Variants in SMOC1 observed in about 807,000 individuals in gnomAD.
SMOC1 encodes SPARC related modular calcium binding 1.
In SMOC1, 22 loss-of-function variants were observed where a neutral mutation model predicts 56.3. The ratio of observed to expected loss-of-function variants is 0.39; its 90% confidence interval spans 0.28 to 0.56. SMOC1 has a LOEUF of 0.56. Ranked by LOEUF, SMOC1 falls within the 20% of genes least tolerant of loss-of-function variation. The pLI, the probability that SMOC1 is intolerant of heterozygous loss-of-function variation, is 0.61. For synonymous variants in SMOC1, 193 were observed against 215.0 expected (o/e 0.90, Z 0.89); for missense variants, 509 against 565.4 (o/e 0.90, Z 1.01).
chr14:69,940,556 T>G (rs1882512670), intron 1 of SMOC1, among the ~76,000 whole-genome samples: 1 of 152,144 alleles, frequency 6.6e-6, no homozygotes, highest in Non-Finnish European at 1.5e-5. Context: ...CTATCAGATG[T>G]GTGTGTCATT....
chr14:69,937,913 C>A lies in SMOC1; in HGVS notation c.100-14225C>A, dbSNP rs965831714. 2.6e-5 allele frequency among the ~76,000 whole-genome samples: 4 copies of A among 152,132 alleles called. No homozygotes were observed. In the East Asian group the frequency reaches 5.8e-4, roughly 22 times the overall value. On this transcript the variant is annotated intron_variant, in intron 1 of 11. Transcript: ENST00000361956. ...AAACACACACAGCCCCAACAGAATT[C>A]GATGATATAGCAAGACTGGGATTTC...
rs1006409122 is a variant in SMOC1 at position 69,990,629 on chromosome 14, TA to T, written c.527-1781del. 3.3e-5 allele frequency among the ~76,000 whole-genome samples: 5 copies of T among 152,102 alleles called. No homozygotes were observed. In the South Asian group the frequency reaches 8.3e-4, roughly 25 times the overall value. ...ATAGAGTCAGGGGAAGTGATGCTATTAAAAAAATGACATTGTGTGGCTCTGT... is the reference window on the plus strand; with the variant it reads ...ATAGAGTCAGGGGAAGTGATGCTATTAAAAAATGACATTGTGTGGCTCTGT... On this transcript the variant is annotated intron_variant, in intron 5 of 11. Coordinates refer to ENST00000361956, the MANE Select transcript of SMOC1 (RefSeq NM_001034852.3).
intron 7 of SMOC1, among the ~76,000 whole-genome samples, chr14:70,003,266 A>T (rs1459702): frequency 0.03 from 4,638 of 152,238 alleles, 124 homozygotes; most frequent in Middle Eastern, 0.14. Context: ...TTTCTTTAAT[A>T]TTCTTGGCTC....
intron 1 of SMOC1, among the ~76,000 whole-genome samples, chr14:69,901,488 C>T (rs1483852974): frequency 2.6e-5 from 4 of 152,202 alleles, no homozygotes; most frequent in African/African-American, 9.7e-5. Flanking sequence ...TCATGTAGTT[C>T]TGGCCCAGTT....
At position 70,031,453 on chromosome 14, in the gene SMOC1, A is replaced by C. The variant is rs1313962407; in HGVS notation, c.*1195A>C. 3 of 152,206 alleles carry C rather than the reference A, an allele frequency of 2.0e-5. No individual in the cohort carries two copies. The highest frequency in any genetic ancestry group is 2.9e-5 in the Non-Finnish European group (2 of 68,052). The allele number at this position is 152,206 out of a possible 1,614,324, so 9.4% of individuals were successfully genotyped here. A position where few individuals can be genotyped will look rare whatever the true frequency, so the allele number is the denominator to read the frequency against. On this transcript the variant is annotated 3_prime_UTR_variant, in exon 12 of 12. Transcript: ENST00000361956. ...AGGTGTCAGTCACCTTGTTGGTAAC[A>C]CTAAAGTTGTTTTGTTGGTTTTTTA...
chr14:69,972,663 A>T (rs1156923795), intron 3 of SMOC1, among the ~76,000 whole-genome samples: 2 of 152,118 alleles, frequency 1.3e-5, no homozygotes, highest in African/African-American at 4.8e-5. Flanking sequence ...GACAGTGTTC[A>T]TGTGCCCACT....
intron 3 of SMOC1, among the ~76,000 whole-genome samples, chr14:69,954,538 C>T (rs1883120236): frequency 6.6e-6 from 1 of 152,226 alleles, no homozygotes; most frequent in Non-Finnish European, 1.5e-5. Flanking sequence ...AGCTTCTGGG[C>T]TGCTTCCTCC....
At chr14:70,027,345 A>G (rs1312115180) in intron 11 of SMOC1, among the ~76,000 whole-genome samples, 1 of 152,126 alleles carries the variant, frequency 6.6e-6, no homozygotes, top group African/African-American at 2.4e-5. Context: ...TGAGCAGGCC[A>G]GTCTTGGTTG....
chr14:69,943,407 G>A (rs1054308646), intron 1 of SMOC1, among the ~76,000 whole-genome samples: 1 of 152,214 alleles, frequency 6.6e-6, no homozygotes, highest in African/African-American at 2.4e-5. Flanking sequence ...AAGGGTGAGA[G>A]CGAGCTGGCA....
chr14:69,885,256 C>A (rs188722425), intron 1 of SMOC1: 7 of 864,386 alleles, frequency 8.1e-6, no homozygotes, highest in African/African-American at 1.8e-5. Flanking sequence ...CTCTCTCCTT[C>A]GAACAACTTC....
At chr14:69,879,874 A>G in intron 1 of SMOC1, 97 bp downstream of exon 1, 2 of 1,142,396 alleles carry the variant, frequency 1.8e-6, no homozygotes, top group Non-Finnish European at 2.5e-6. Flanking sequence ...GAGAGATGTC[A>G]GAGACCTGTT....
chr14:69,884,963 A>G (rs1461910774), intron 1 of SMOC1, among the ~76,000 whole-genome samples: 1 of 151,876 alleles, frequency 6.6e-6, no homozygotes, highest in Non-Finnish European at 1.5e-5. Context: ...TTCTATTTCT[A>G]TGAAGAACAT....
chr14:69,946,461 T>G (rs1295197188), intron 1 of SMOC1, among the ~76,000 whole-genome samples: 2 of 152,242 alleles, frequency 1.3e-5, no homozygotes, highest in East Asian at 3.8e-4. Flanking sequence ...TTTGTTTGGT[T>G]TCTGTATTAT....
chr14:69,916,072 G>A (rs74063007), intron 1 of SMOC1, among the ~76,000 whole-genome samples: 5,724 of 152,234 alleles, frequency 0.038, 354 homozygotes, highest in African/African-American at 0.13. Flanking sequence ...CTATGTGGGC[G>A]TCTGATAGGC....
At chr14:70,024,041 A>T (rs1260336845) in intron 11 of SMOC1, among the ~76,000 whole-genome samples, 2 of 152,102 alleles carry the variant, frequency 1.3e-5, no homozygotes, top group Non-Finnish European at 2.9e-5. Flanking sequence ...CAGTCCTGGA[A>T]ATGACACTCA....
intron 1 of SMOC1, among the ~76,000 whole-genome samples, chr14:69,922,245 C>T (rs967190710): frequency 6.6e-6 from 1 of 152,340 alleles, no homozygotes; most frequent in African/African-American, 2.4e-5. Flanking sequence ...GAAAAATGCA[C>T]TTAATGTTCT....
At chr14:69,958,409 C>A (rs1883263769) in intron 3 of SMOC1, among the ~76,000 whole-genome samples, 1 of 152,102 alleles carries the variant, frequency 6.6e-6, no homozygotes. Flanking sequence ...TAGCAAAAAA[C>A]CAGCCATATG....
intron 1 of SMOC1, 54 bp downstream of exon 1, chr14:69,879,831 C>T: frequency 2.1e-6 from 3 of 1,447,376 alleles, no homozygotes; most frequent in Non-Finnish European, 2.8e-6. Flanking sequence ...AGGTTGCTTC[C>T]CCCCTCATCC....
Position 69,920,245 on chromosome 14 carries a change from A to G in SMOC1, c.100-31893A>G, listed in dbSNP as rs191020054. On this transcript the variant is annotated intron_variant, in intron 1 of 11. Transcript: ENST00000361956. ...CTTCTGTGATCTCTAGGTCTTTGCTATGGCTGACCTTGTAAGAATGAGTGA... is the reference window on the plus strand; with the variant it reads ...CTTCTGTGATCTCTAGGTCTTTGCTGTGGCTGACCTTGTAAGAATGAGTGA... 5.3e-4 allele frequency among the ~76,000 whole-genome samples: 81 copies of G among 152,314 alleles called. 1 individual carries two copies. Among genetic ancestry groups the G allele is most frequent in the African/African-American group, 1.9e-3 (77 of 41,580 alleles).
Sources: allele counts gnomAD v4.1 joint callset (sites outside exome capture counted in the v4.1 genomes callset), GRCh38; gene constraint gnomAD v4.1.1; transcripts MANE v1.5; gene names NCBI Gene and HGNC (gene_info 2026-07-23, HGNC 2026-07-21).